AADAC: variants seen among roughly 807,000 people sequenced by gnomAD.
AADAC encodes arylacetamide deacetylase (esterase).
In AADAC, 17 loss-of-function variants were observed where a neutral mutation model predicts 22.7. The observed-to-expected ratio is 0.75, with a 90% confidence interval of 0.51 to 1.12. The LOEUF is 1.12. AADAC is among the 50% of genes most tolerant of loss of function. AADAC has a pLI of 0.00. For missense variants in AADAC, 465 were observed against 473.9 expected (o/e 0.98, Z 0.17); for synonymous variants, 167 against 176.3 (o/e 0.95, Z 0.42).
Position 151,827,531 on chromosome 3 carries a change from T to C in AADAC, c.604-45T>C, listed in dbSNP as rs775196735. 5.4e-6 allele frequency: 6 copies of C among 1,109,604 alleles called. No individual in the cohort carries two copies. The African/African-American group carries it at 1.4e-4, about 27-fold the overall frequency. The allele number at this position is 1,109,604 out of a possible 1,614,324, so 68.7% of individuals were successfully genotyped here. On this transcript the variant is annotated intron_variant, in intron 4 of 4. Coordinates refer to ENST00000232892, the MANE Select transcript of AADAC (RefSeq NM_001086.3). The stretch of plus-strand genomic sequence containing the variant: ...AGATAATCTTATTAGGGATATTTTA[T>C]TGTTTTAAATGAAAATGATTTGTGC...
In AADAC at chr3:151,824,803, G is replaced by A; in HGVS notation, c.572G>A (p.Gly191Glu). Residue 191 changes from glycine to glutamate, a missense_variant, in exon 4 of 5, where the codon GGA becomes GAA. Transcript: ENST00000232892. ...ATCGGTATTTCTGGAGATAGTGCAG[G>A]AGGGAATTTAGCTGCAGCAGTGACT... is the stretch of plus-strand genomic sequence containing the variant. ...ERIGISGDSA[G>E]GNLAAAVTQQ... 6 of 1,597,072 alleles carry A rather than the reference G, an allele frequency of 3.8e-6. No individual in the cohort carries two copies. The highest frequency in any genetic ancestry group is 2.3e-5 in the South Asian group (2 of 87,130).
intron 2 of AADAC, among the ~76,000 whole-genome samples, chr3:151,818,590 C>T (rs1288932231): frequency 1.3e-5 from 2 of 152,024 alleles, no homozygotes; most frequent in Admixed American, 1.3e-4. Context: ...GGTTACAGCT[C>T]AGCGTTTGCC....
intron 4 of AADAC, among the ~76,000 whole-genome samples, chr3:151,826,015 A>C (rs953850670): frequency 7.3e-5 from 11 of 150,930 alleles, no homozygotes; most frequent in Non-Finnish European, 1.5e-4. Context: ...TTAGATTTTT[A>C]TTAGTTGACT....
rs747870849 is a variant in AADAC at position 151,817,342 on chromosome 3, G to C, written c.139-24G>C. On this transcript the variant is annotated intron_variant, in intron 1 of 4. Coordinates refer to ENST00000232892, the MANE Select transcript of AADAC (RefSeq NM_001086.3). The stretch of plus-strand genomic sequence containing the variant: ...TTGCCATTTGATACTTGAATTTCAG[G>C]AGGTTTGTGAATTTCATTTTTAGGC... The C allele has an allele frequency of 2.5e-6, 4 of 1,587,758 alleles. 1 individual carries two copies. In the Admixed American group the frequency reaches 6.7e-5, roughly 27 times the overall value.
intron 2 of AADAC, among the ~76,000 whole-genome samples, chr3:151,818,094 A>T (rs2108027310): frequency 6.6e-6 from 1 of 151,964 alleles, no homozygotes; most frequent in Non-Finnish European, 1.5e-5. Flanking sequence ...TACAAAAATT[A>T]GCCGGGTGTG....
At chr3:151,822,808 T>C (rs1716305045) in intron 3 of AADAC, among the ~76,000 whole-genome samples, 1 of 152,008 alleles carries the variant, frequency 6.6e-6, no homozygotes, top group Non-Finnish European at 1.5e-5. Flanking sequence ...TCTTCCAAAA[T>C]TGATTGTGGC....
intron 4 of AADAC, 91 bp from the exon 5 acceptor site, chr3:151,827,482 TAAA>T (rs1716546614): frequency 1.2e-6 from 1 of 807,120 alleles, no homozygotes; most frequent in Non-Finnish European, 1.9e-6. Context: ...GATAGATAGA[TAAA>T]AACAAGATAG....
At chr3:151,816,556 C>T (rs1006973021) in intron 1 of AADAC, among the ~76,000 whole-genome samples, 1 of 152,046 alleles carries the variant, frequency 6.6e-6, no homozygotes, top group African/African-American at 2.4e-5. Flanking sequence ...AACCGTAAAG[C>T]TTGGTAGAGA....
Position 151,827,719 on chromosome 3 carries a change from C to CTGG in AADAC, c.748_750dup (p.Trp250dup). On this transcript the variant is annotated inframe_insertion, in exon 5 of 5. Transcript: ENST00000232892. ...TATCCAAATCACTCATGGTCAGATT[C>CTGG]TGGAGTGAATATTTTACCACTGATA... 2 of 1,613,128 alleles carry CTGG rather than the reference C, an allele frequency of 1.2e-6. No individual in the cohort carries two copies. Among genetic ancestry groups the CTGG allele is most frequent in the Non-Finnish European group, 1.7e-6 (2 of 1,179,388 alleles).
Position 151,828,077 on chromosome 3 carries a change from G to A in AADAC, c.1105G>A (p.Glu369Lys), listed in dbSNP as rs1323753940. 12 of 1,612,734 alleles carry A rather than the reference G, an allele frequency of 7.4e-6. No individual in the cohort carries two copies. The highest frequency in any genetic ancestry group is 1.0e-5 in the Non-Finnish European group (12 of 1,179,210). ...TGVQVTHNHV[E>K]DGFHGAFSFL... ...GGTTCAGGTGACTCATAACCATGTT[G>A]AGGATGGATTCCATGGAGCATTTTC... Residue 369 changes from glutamate (E) to lysine (K), a missense_variant, in exon 5 of 5, where the codon GAG becomes AAG. Transcript: ENST00000232892.
At chr3:151,819,243 A>G (rs895407975) in intron 2 of AADAC, among the ~76,000 whole-genome samples, 1 of 152,016 alleles carries the variant, frequency 6.6e-6, no homozygotes, top group South Asian at 2.1e-4. Context: ...GGTGGTCAAA[A>G]ATGTCAGAAA....
intron 3 of AADAC, among the ~76,000 whole-genome samples, chr3:151,823,142 G>C (rs1716320419): frequency 6.6e-6 from 1 of 151,806 alleles, no homozygotes; most frequent in Non-Finnish European, 1.5e-5. Context: ...GCCGGGTGTG[G>C]TGGTGGGCAC....
At position 151,824,809 on chromosome 3, in the gene AADAC, A is replaced by G. The variant is rs1716406682; in HGVS notation, c.578A>G (p.Asn193Ser). 1.9e-6 allele frequency: 3 copies of G among 1,591,214 alleles called. No individual in the cohort carries two copies. In the African/African-American group the frequency reaches 4.1e-5, roughly 22 times the overall value. Residue 193 changes from asparagine to serine, a missense_variant, in exon 4 of 5, where the codon AAT becomes AGT. By Grantham distance (46) the Asn-to-Ser change is conservative. Transcript: ENST00000232892. ...IGISGDSAGGNLAAAVTQQLL... is the reference protein window; with the variant it reads ...IGISGDSAGGSLAAAVTQQLL... Reference sequence around the variant, plus strand: ...ATTTCTGGAGATAGTGCAGGAGGGAATTTAGCTGCAGCAGTGACTCAACAG... The same window carrying G: ...ATTTCTGGAGATAGTGCAGGAGGGAGTTTAGCTGCAGCAGTGACTCAACAG...
chr3:151,815,015 T>G (rs1356383706), intron 1 of AADAC, among the ~76,000 whole-genome samples: 1 of 152,100 alleles, frequency 6.6e-6, no homozygotes, highest in Non-Finnish European at 1.5e-5. Context: ...TTATTTTGCA[T>G]TTATTCAACA....
chr3:151,827,614 C>G lies in AADAC; in HGVS notation c.642C>G (p.Ile214Met), dbSNP rs1205792218. The G allele has an allele frequency of 6.3e-7, 1 of 1,593,292 alleles. No individual in the cohort carries two copies. The highest frequency in any genetic ancestry group is 8.6e-7 in the Non-Finnish European group (1 of 1,169,312). ...DDPDVKIKLK[I>M]QSLIYPALQP... ...CAGATGTCAAGATCAAACTCAAGAT[C>G]CAGTCTTTAATTTATCCTGCCCTTC... The change falls in exon 5 of 5, where the codon ATC (isoleucine) becomes ATG (methionine). Residue 214 changes from isoleucine (I) to methionine (M), a missense_variant. By Grantham distance (10) the Ile-to-Met change is conservative (BLOSUM62 1). Transcript: ENST00000232892.
At chr3:151,821,418 G>C (rs1360898160) in intron 3 of AADAC, among the ~76,000 whole-genome samples, 1 of 151,872 alleles carries the variant, frequency 6.6e-6, no homozygotes, top group Non-Finnish European at 1.5e-5. Context: ...GGGGCGGATT[G>C]CTGGGTAGAC....
At chr3:151,814,574 T>C (rs1293496016) in intron 1 of AADAC, among the ~76,000 whole-genome samples, 1 of 152,054 alleles carries the variant, frequency 6.6e-6, no homozygotes, top group Non-Finnish European at 1.5e-5. Flanking sequence ...AATATCACGA[T>C]AGTGGCTCTC....
At chr3:151,824,459 T>C (rs1186626021) in intron 3 of AADAC, among the ~76,000 whole-genome samples, 2 of 151,940 alleles carry the variant, frequency 1.3e-5, no homozygotes, top group Admixed American at 6.6e-5. Flanking sequence ...ATGCGGGCAA[T>C]GTTATATTTC....
At chr3:151,819,835 AAGT>A (rs1716158893) in intron 2 of AADAC, among the ~76,000 whole-genome samples, 1 of 151,992 alleles carries the variant, frequency 6.6e-6, no homozygotes, top group Non-Finnish European at 1.5e-5. Flanking sequence ...TACATTCTTA[AAGT>A]AGTAGTACAG....
Sources: gnomAD v4.1 joint callset for allele counts (sites outside exome capture counted in the v4.1 genomes callset) on GRCh38, gnomAD v4.1.1 for gene constraint, MANE v1.5 for transcripts, NCBI Gene and HGNC (gene_info 2026-07-23, HGNC 2026-07-21) for gene names.